PPP3CA: variants seen among roughly 807,000 people sequenced by gnomAD.
PPP3CA encodes CAM-PRP catalytic subunit.
In PPP3CA, 14 loss-of-function variants were observed where a neutral mutation model predicts 66.5. That is an observed-to-expected ratio of 0.21 (90% CI 0.14 to 0.33). The LOEUF is 0.33. Among genes scored for constraint, PPP3CA ranks in the 10% least tolerant of loss-of-function variants. PPP3CA has a pLI of 1.00. For synonymous variants in PPP3CA, 232 were observed against 226.2 expected (o/e 1.03, Z -0.23); for missense variants, 317 against 639.5 (o/e 0.50, Z 5.44).
intron 1 of PPP3CA, among the ~76,000 whole-genome samples, chr4:101,329,749 GT>G (rs1274857281): frequency 6.6e-6 from 1 of 152,016 alleles, no homozygotes; most frequent in Non-Finnish European, 1.5e-5. Flanking sequence ...TACTCTGCCT[GT>G]GCTCCGTAAG....
At chr4:101,311,399 T>C (rs1728718215) in intron 1 of PPP3CA, among the ~76,000 whole-genome samples, 1 of 152,214 alleles carries the variant, frequency 6.6e-6, no homozygotes, top group Non-Finnish European at 1.5e-5. Context: ...CTGAATAAGT[T>C]ACCTGAAGTC....
chr4:101,190,148 C>T (rs1459340746), intron 2 of PPP3CA, among the ~76,000 whole-genome samples: 1 of 152,062 alleles, frequency 6.6e-6, no homozygotes, highest in African/African-American at 2.4e-5. Context: ...CCTTCCTTAT[C>T]TGGAGGCATT....
At chr4:101,331,520 G>A (rs1023257418) in intron 1 of PPP3CA, among the ~76,000 whole-genome samples, 1 of 152,216 alleles carries the variant, frequency 6.6e-6, no homozygotes, top group Admixed American at 6.5e-5. Context: ...AAAAAATGTT[G>A]CCAACATTTG....
intron 2 of PPP3CA, among the ~76,000 whole-genome samples, chr4:101,164,948 A>G (rs1373593893): frequency 6.6e-6 from 1 of 152,156 alleles, no homozygotes; most frequent in Non-Finnish European, 1.5e-5. Context: ...TATAATTTTT[A>G]AATTTCTTTC....
intron 12 of PPP3CA, 108 bp downstream of exon 12, chr4:101,032,159 A>T (rs1169340855): frequency 1.3e-6 from 1 of 790,040 alleles, no homozygotes; most frequent in Non-Finnish European, 1.8e-6. Context: ...AGCTGAGAAG[A>T]AGAACCGAAG....
chr4:101,234,017 T>C (rs1430596581), intron 1 of PPP3CA, among the ~76,000 whole-genome samples: 1 of 151,836 alleles, frequency 6.6e-6, no homozygotes, highest in Non-Finnish European at 1.5e-5. Flanking sequence ...TGTTCCCACT[T>C]CAGTTTGCTA....
intron 2 of PPP3CA, among the ~76,000 whole-genome samples, chr4:101,156,518 T>C (rs192247762): frequency 1.3e-5 from 2 of 152,028 alleles, no homozygotes; most frequent in Non-Finnish European, 2.9e-5. Flanking sequence ...CCGTCTCTAC[T>C]AAAAATACAA....
intron 1 of PPP3CA, among the ~76,000 whole-genome samples, chr4:101,273,031 G>T (rs191607154): frequency 6.6e-6 from 1 of 152,272 alleles, no homozygotes; most frequent in Admixed American, 6.5e-5. Flanking sequence ...TTGGTCATTT[G>T]AAGTACTATA....
intron 2 of PPP3CA, among the ~76,000 whole-genome samples, chr4:101,163,314 C>A (rs1224874167): frequency 6.6e-6 from 1 of 152,118 alleles, no homozygotes; most frequent in African/African-American, 2.4e-5. Context: ...TTTTAAAACT[C>A]TTTTCAGTGT....
chr4:101,040,099 G>T (rs1458401143), intron 11 of PPP3CA, among the ~76,000 whole-genome samples: 1 of 151,994 alleles, frequency 6.6e-6, no homozygotes, highest in East Asian at 1.9e-4. Context: ...TAGAAATCTA[G>T]TGAAATGTGT....
chr4:101,246,732 T>C (rs1386106967), intron 1 of PPP3CA, among the ~76,000 whole-genome samples: 1 of 152,158 alleles, frequency 6.6e-6, no homozygotes, highest in Non-Finnish European at 1.5e-5. Context: ...TGTCTGTGTA[T>C]ATATGCATAT....
Position 101,106,450 on chromosome 4 carries a change from A to AAAGAAAGAAGAGAAGAGAAGAG in PPP3CA, c.384+2503_384+2504insCTCTTCTCTTCTCTTCTTTCTT, listed in dbSNP as rs751759518. Among the ~76,000 whole-genome samples the AAAGAAAGAAGAGAAGAGAAGAG allele has an allele frequency of 1.4e-3, 16 of 11,122 alleles. 4 individuals carry two copies. The highest frequency in any genetic ancestry group is 4.0e-3 in the African/African-American group (10 of 2,472). The allele number at this position is 11,122 out of a possible 152,430, so 7.3% of individuals were successfully genotyped here. A position where few individuals can be genotyped will look rare whatever the true frequency, so the allele number is the denominator to read the frequency against. On this transcript the variant is annotated intron_variant, in intron 3 of 13. Transcript: ENST00000394854. ...GAAAGAAAGAAAGAAAGAAAGAAAG[A>AAAGAAAGAAGAGAAGAGAAGAG]AAGAGAAAAGAAAAGAAAAGAAAAG... is the stretch of plus-strand genomic sequence containing the variant.
intron 4 of PPP3CA, among the ~76,000 whole-genome samples, chr4:101,098,954 A>G (rs1730321328): frequency 6.6e-6 from 1 of 152,150 alleles, no homozygotes. Context: ...CCCATGACTT[A>G]TATCTAATGT....
intron 8 of PPP3CA, among the ~76,000 whole-genome samples, chr4:101,069,587 T>C (rs568402266): frequency 1.1e-4 from 17 of 152,204 alleles, no homozygotes; most frequent in African/African-American, 3.6e-4. Flanking sequence ...TATGTGCATG[T>C]GTGCATGTGT....
intron 1 of PPP3CA, among the ~76,000 whole-genome samples, chr4:101,210,244 C>G (rs933676281): frequency 6.6e-6 from 1 of 152,128 alleles, no homozygotes; most frequent in African/African-American, 2.4e-5. Flanking sequence ...CCTTAATCCA[C>G]CTGATCCTCA....
At chr4:101,081,536 T>C (rs1729439052) in intron 7 of PPP3CA, among the ~76,000 whole-genome samples, 1 of 152,224 alleles carries the variant, frequency 6.6e-6, no homozygotes. Context: ...TCATGACTTC[T>C]GTGTAATCAA....
intron 13 of PPP3CA, among the ~76,000 whole-genome samples, chr4:101,027,262 G>T (rs1049702158): frequency 2.1e-5 from 3 of 139,648 alleles, no homozygotes; most frequent in African/African-American, 7.8e-5. Flanking sequence ...ATTTGGGGGG[G>T]AAAAAAAAAA....
At chr4:101,183,638 C>T (rs559448090) in intron 2 of PPP3CA, among the ~76,000 whole-genome samples, 1 of 151,974 alleles carries the variant, frequency 6.6e-6, no homozygotes, top group Non-Finnish European at 1.5e-5. Context: ...TATATGAAAG[C>T]AATTTTAGAA....
chr4:101,033,723 A>C (rs1727117714), intron 11 of PPP3CA, among the ~76,000 whole-genome samples: 1 of 152,190 alleles, frequency 6.6e-6, no homozygotes. Flanking sequence ...CCATCACCAT[A>C]ATCAATTTTA....
Sources: allele counts gnomAD v4.1 joint callset (sites outside exome capture counted in the v4.1 genomes callset), GRCh38; gene constraint gnomAD v4.1.1; transcripts MANE v1.5; gene names NCBI Gene and HGNC (gene_info 2026-07-23, HGNC 2026-07-21).